ADGB: variants seen among roughly 807,000 people sequenced by gnomAD.
ADGB encodes androglobin.
ADGB carries 172 observed loss-of-function variants against 210.5 expected under a neutral mutation model. The observed-to-expected ratio is 0.82, with a 90% CI of 0.72 to 0.93. The LOEUF (loss-of-function observed/expected upper bound fraction) is 0.93. Among genes scored for constraint, ADGB ranks in the 40% least tolerant of loss-of-function variants. The pLI is 0.00. For synonymous variants in ADGB, 658 were observed against 662.7 expected (o/e 0.99, Z 0.11); for missense variants, 2,025 against 1,964.8 (o/e 1.03, Z -0.58).
At position 146,734,156 on chromosome 6, in the gene ADGB, A is replaced by T. The variant is rs144278568; in HGVS notation, c.2794+126A>T. On this transcript the variant is annotated intron_variant, in intron 22 of 35. Transcript: ENST00000397944. The stretch of plus-strand genomic sequence containing the variant: ...ATTAATTTCAGTCCTCTAAATAATG[A>T]AATTATTTGAAATCAGGAAGCATGT... 1.9e-4 allele frequency: 184 copies of T among 960,056 alleles called. 1 individual carries two copies. In the African/African-American group the frequency reaches 2.7e-3, roughly 14 times the overall value. 59.5% of individuals were successfully genotyped at this position (960,056 alleles called of 1,614,324 possible).
intron 5 of ADGB, among the ~76,000 whole-genome samples, chr6:146,658,732 T>C (rs1206998808): frequency 6.6e-6 from 1 of 152,206 alleles, no homozygotes; most frequent in Non-Finnish European, 1.5e-5. Flanking sequence ...GAAATTTGTT[T>C]AAAAATGTAT....
Position 146,691,059 on chromosome 6 carries a change from A to G in ADGB, c.1312-57A>G, listed in dbSNP as rs906856673. On this transcript the variant is annotated intron_variant, in intron 10 of 35. Transcript: ENST00000397944. Reference sequence around the variant, plus strand: ...GTTCGTGATAGTATTTTTACATTGGAAAAAGCATTGTTTTGAATGAAGGAG... The same window carrying G: ...GTTCGTGATAGTATTTTTACATTGGGAAAAGCATTGTTTTGAATGAAGGAG... The G allele has an allele frequency of 2.8e-6, 4 of 1,410,372 alleles. No homozygotes were observed. The African/African-American group carries it at 5.8e-5, about 20-fold the overall frequency. 87.4% of individuals were successfully genotyped at this position (1,410,372 alleles called of 1,614,324 possible).
At chr6:146,638,121 A>C (rs1005195936) in intron 2 of ADGB, among the ~76,000 whole-genome samples, 11 of 152,082 alleles carry the variant, frequency 7.2e-5, no homozygotes, top group Non-Finnish European at 5.9e-5. Flanking sequence ...ACATAAACAC[A>C]ACTAAAGACA....
chr6:146,715,490 C>A, intron 14 of ADGB, 75 bp downstream of exon 14: 1 of 1,037,338 alleles, frequency 9.6e-7, no homozygotes, highest in Non-Finnish European at 1.4e-6. Context: ...TTCTTGACAG[C>A]TTCCCTTCTG....
Position 146,666,922 on chromosome 6 carries a change from T to C in ADGB, c.839+20T>C, listed in dbSNP as rs1293295306. 1.4e-6 allele frequency: 2 copies of C among 1,476,568 alleles called. No homozygotes were observed. Among genetic ancestry groups the C allele is most frequent in the South Asian group, 1.2e-5 (1 of 80,374 alleles). The allele number at this position is 1,476,568 out of a possible 1,614,324, so 91.5% of individuals were successfully genotyped here. A position where few individuals can be genotyped will look rare whatever the true frequency, so the allele number is the denominator to read the frequency against. ...TCTTCAGTATGTTTGACTATTAAAT[T>C]GCTCATATCTATTTTTTTTATCTTC... On this transcript the variant is annotated intron_variant, in intron 7 of 35. Coordinates refer to ENST00000397944, the MANE Select transcript of ADGB (RefSeq NM_024694.4).
Position 146,736,565 on chromosome 6 carries a change from A to T in ADGB, c.2862A>T (p.Leu954Phe). ...TTTGGGCTGTATTGGAAATGAATTTAGAACAGTATGCAGTTTCTCTCTTAA... is the reference window on the plus strand; with the variant it reads ...TTTGGGCTGTATTGGAAATGAATTTTGAACAGTATGCAGTTTCTCTCTTAA... ...QKVWAVLEMN[L>F]EQYAVSLLRL... is the part of the protein sequence containing the mutation. The change falls in exon 23 of 36, where the codon TTA becomes TTT. Residue 954 changes from leucine (L) to phenylalanine (F), a missense_variant. Leu to Phe is a conservative substitution (Grantham distance 22). Transcript: ENST00000397944. The T allele has an allele frequency of 6.5e-7, 1 of 1,549,268 alleles. No individual in the cohort carries two copies. Among genetic ancestry groups the T allele is most frequent in the Non-Finnish European group, 8.7e-7 (1 of 1,145,552 alleles).
intron 1 of ADGB, among the ~76,000 whole-genome samples, chr6:146,613,064 G>A (rs761704681): frequency 6.6e-6 from 1 of 152,000 alleles, no homozygotes; most frequent in East Asian, 1.9e-4. Flanking sequence ...TTTGTTATAA[G>A]CCCCTTCATT....
chr6:146,691,483 T>TATAA (rs1776323832), intron 11 of ADGB, among the ~76,000 whole-genome samples, 193 bp downstream of exon 11: 1 of 13,992 alleles, frequency 7.1e-5, no homozygotes, highest in Non-Finnish European at 1.2e-4. Flanking sequence ...TATAAATATA[T>TATAA]ATATATATAT....
Position 146,788,467 on chromosome 6 carries a change from C to G in ADGB, c.4394C>G (p.Thr1465Arg). 1 of 1,551,562 alleles carries G rather than the reference C, an allele frequency of 6.4e-7. No homozygotes were observed. The highest frequency in any genetic ancestry group is 8.7e-7 in the Non-Finnish European group (1 of 1,146,932). Residue 1465 changes from threonine to arginine, a missense_variant, in exon 33 of 36, where the codon ACA becomes AGA. Thr to Arg is a moderately conservative substitution (Grantham distance 71). Coordinates refer to ENST00000397944, the MANE Select transcript of ADGB (RefSeq NM_024694.4). ...AGSESKEMTQ[T>R]GSGSAVWKKW... Reference sequence around the variant, plus strand: ...TCAGAGAGCAAAGAGATGACACAAACAGGATCAGGGAGTGCGGTGTGGAAG... The same window carrying G: ...TCAGAGAGCAAAGAGATGACACAAAGAGGATCAGGGAGTGCGGTGTGGAAG...
At chr6:146,692,946 G>A (rs1413750258) in intron 12 of ADGB, 31 bp downstream of exon 12, 8 of 1,223,248 alleles carry the variant, frequency 6.5e-6, no homozygotes, top group Non-Finnish European at 1.2e-6. Context: ...TCACAAATGT[G>A]TCTTGTTAGT....
intron 7 of ADGB, among the ~76,000 whole-genome samples, chr6:146,669,320 G>T (rs1471072963): frequency 6.6e-6 from 1 of 151,972 alleles, no homozygotes; most frequent in Non-Finnish European, 1.5e-5. Context: ...TTATTTTCCA[G>T]TCACCAGTTC....
intron 13 of ADGB, among the ~76,000 whole-genome samples, chr6:146,706,596 T>A (rs968047017): frequency 6.6e-6 from 1 of 152,130 alleles, no homozygotes; most frequent in Non-Finnish European, 1.5e-5. Flanking sequence ...CTGTTCAGAT[T>A]TTATATTTTT....
At position 146,788,423 on chromosome 6, in the gene ADGB, C is replaced by G. The variant is rs1279267126; in HGVS notation, c.4350C>G (p.Asn1450Lys). 1 of 1,551,422 alleles carries G rather than the reference C, an allele frequency of 6.4e-7. No homozygotes were observed. The highest frequency in any genetic ancestry group is 1.4e-5 in the African/African-American group (1 of 73,000). ...ETAARGVKEPNSKNSAGSESK... is the reference protein window; with the variant it reads ...ETAARGVKEPKSKNSAGSESK... ...CTGCACGTGGCGTAAAAGAACCAAA[C>G]TCAAAGAATTCTGCAGGTTCAGAGA... Residue 1450 changes from asparagine (N) to lysine (K), a missense_variant, in exon 33 of 36, where the codon AAC becomes AAG. By Grantham distance (94) the Asn-to-Lys change is moderately conservative. Coordinates refer to ENST00000397944, the MANE Select transcript of ADGB (RefSeq NM_024694.4).
At chr6:146,799,536 A>AG (rs1778094675) in intron 33 of ADGB, among the ~76,000 whole-genome samples, 602 of 25,352 alleles carry the variant, frequency 0.024, 1 homozygote, top group Admixed American at 0.05. Context: ...CTGGGGGGAG[A>AG]AAAAAAAAAA....
chr6:146,710,445 A>G (rs1054853387), intron 13 of ADGB, among the ~76,000 whole-genome samples: 2 of 152,120 alleles, frequency 1.3e-5, no homozygotes, highest in Non-Finnish European at 2.9e-5. Context: ...GTTCTAAATT[A>G]TAACAATAGA....
At chr6:146,728,782 T>G in intron 20 of ADGB, 41 bp downstream of exon 20, 1 of 1,444,804 alleles carries the variant, frequency 6.9e-7, no homozygotes, top group Non-Finnish European at 9.3e-7. Context: ...GAGGAAACTT[T>G]CTTTTCAAAA....
Position 146,716,579 on chromosome 6 carries a change from G to T in ADGB, c.1742-304G>T, listed in dbSNP as rs1011876245. Among the ~76,000 whole-genome samples the T allele has an allele frequency of 3.0e-5, 3 of 99,764 alleles. 1 individual carries two copies. The highest frequency in any genetic ancestry group is 2.1e-4 in the African/African-American group (3 of 14,316). 65.4% of individuals were successfully genotyped at this position (99,764 alleles called of 152,430 possible). On this transcript the variant is annotated intron_variant, in intron 14 of 35. Transcript: ENST00000397944. ...CTGCAGTCCGCAGTCCCACCTGGGC[G>T]ACAGAGCGAGACTCCGTCTCAAAAA...
At chr6:146,778,190 T>C (rs1777748408) in intron 29 of ADGB, among the ~76,000 whole-genome samples, 1 of 152,154 alleles carries the variant, frequency 6.6e-6, no homozygotes, top group Admixed American at 6.5e-5. Context: ...CTGGATTTTC[T>C]TGGGACCAGA....
intron 8 of ADGB, 58 bp downstream of exon 8, chr6:146,672,525 C>T: frequency 6.9e-7 from 1 of 1,457,944 alleles, no homozygotes; most frequent in Non-Finnish European, 9.1e-7. Flanking sequence ...AAATGCCTTA[C>T]AATTTTATTT....
Sources: allele counts gnomAD v4.1 joint callset (sites outside exome capture counted in the v4.1 genomes callset), GRCh38; gene constraint gnomAD v4.1.1; transcripts MANE v1.5; gene names NCBI Gene and HGNC (gene_info 2026-07-23, HGNC 2026-07-21).